NEIL3: variants seen among roughly 807,000 people sequenced by gnomAD.
The protein encoded by NEIL3 is nei like DNA glycosylase 3.
A neutral mutation model predicts 57.5 loss-of-function variants in NEIL3; 48 were observed. The ratio of observed to expected loss-of-function variants is 0.83; its 90% confidence interval spans 0.66 to 1.06. The LOEUF (loss-of-function observed/expected upper bound fraction) is 1.06, where lower values mean the gene tolerates loss of function less well. NEIL3 is among the 50% of genes least tolerant of loss of function. The pLI is 0.00. For missense variants in NEIL3, 717 were observed against 739.1 expected, an observed-to-expected ratio of 0.97 and a Z score of 0.35; for synonymous variants, 261 against 253.2, an observed-to-expected ratio of 1.03 and a Z score of -0.29.
intron 4 of NEIL3, among the ~76,000 whole-genome samples, chr4:177,338,731 G>A (rs1013383597): frequency 6.6e-6 from 1 of 152,224 alleles, no homozygotes; most frequent in Non-Finnish European, 1.5e-5. Context: ...GTGTTAATAA[G>A]TACTTTGATA....
intron 8 of NEIL3, among the ~76,000 whole-genome samples, chr4:177,360,095 G>C (rs2110943194): frequency 6.6e-6 from 1 of 152,328 alleles, no homozygotes; most frequent in African/African-American, 2.4e-5. Context: ...AATAATTAGA[G>C]AAGATTGTGA....
In NEIL3 at chr4:177,335,960, A is replaced by T. The variant is rs558404311; in HGVS notation, c.413+138A>T. The T allele has an allele frequency of 7.6e-6, 8 of 1,047,476 alleles. No homozygotes were observed. In the South Asian group the frequency reaches 1.2e-4, roughly 16 times the overall value. The allele number at this position is 1,047,476 out of a possible 1,614,324, so 64.9% of individuals were successfully genotyped here. On this transcript the variant is annotated intron_variant, in intron 3 of 9. Coordinates refer to ENST00000264596, the MANE Select transcript of NEIL3 (RefSeq NM_018248.3). ...CTCATTTTAAAGAAGCCTTCAGATA[A>T]TATAATTTGTAAGGTCTTTGTTGTT... is the stretch of plus-strand genomic sequence containing the variant.
intron 1 of NEIL3, among the ~76,000 whole-genome samples, chr4:177,317,950 T>A (rs561645080): frequency 6.6e-6 from 1 of 152,128 alleles, no homozygotes; most frequent in Non-Finnish European, 1.5e-5. Flanking sequence ...GATATAGATG[T>A]CTGCTCCAGG....
At chr4:177,353,814 A>G (rs7691152) in intron 8 of NEIL3, 86 bp downstream of exon 8, 104,227 of 1,173,536 alleles carry the variant, frequency 0.089, 6,483 homozygotes, top group East Asian at 0.34. Context: ...CACCTAGGCT[A>G]CAGTGCAGTG....
chr4:177,336,016 A>G, intron 3 of NEIL3, 92 bp from the exon 4 acceptor site: 2 of 1,142,880 alleles, frequency 1.7e-6, no homozygotes, highest in Non-Finnish European at 2.5e-6. Flanking sequence ...CCTGATTAAC[A>G]TAAAGTGCTT....
chr4:177,330,408 A>C (rs1391078170), intron 2 of NEIL3, among the ~76,000 whole-genome samples: 2 of 152,230 alleles, frequency 1.3e-5, no homozygotes, highest in African/African-American at 2.4e-5. Flanking sequence ...ATTCTCTAAG[A>C]TTTAAGCTTC....
At chr4:177,342,632 T>TC (rs1211721697) in intron 6 of NEIL3, among the ~76,000 whole-genome samples, 7 of 151,990 alleles carry the variant, frequency 4.6e-5, no homozygotes, top group Non-Finnish European at 1.0e-4. Flanking sequence ...TTCCACTCTT[T>TC]CCCCCCTTCT....
At chr4:177,320,905 T>C (rs2111115982) in intron 1 of NEIL3, among the ~76,000 whole-genome samples, 1 of 152,134 alleles carries the variant, frequency 6.6e-6, no homozygotes, top group East Asian at 1.9e-4. Flanking sequence ...ATTCTGGCAT[T>C]GACTGTAGCT....
At chr4:177,339,691 C>G in intron 4 of NEIL3, 92 bp from the exon 5 acceptor site, 1 of 808,780 alleles carries the variant, frequency 1.2e-6, no homozygotes, top group Non-Finnish European at 2.1e-6. Context: ...AATCTATTTA[C>G]AGTTCTCTTT....
chr4:177,356,065 G>T (rs571830811), intron 8 of NEIL3, among the ~76,000 whole-genome samples: 38 of 152,046 alleles, frequency 2.5e-4, no homozygotes, highest in Non-Finnish European at 4.4e-4. Context: ...TTGGGAGGCT[G>T]TCCTGGAACA....
intron 2 of NEIL3, among the ~76,000 whole-genome samples, chr4:177,326,711 A>G (rs573522494): frequency 1.3e-5 from 2 of 152,098 alleles, no homozygotes; most frequent in African/African-American, 4.8e-5. Flanking sequence ...ATGTATTTAG[A>G]TCTTCCTTCA....
chr4:177,342,346 A>T (rs1735111764), intron 6 of NEIL3, among the ~76,000 whole-genome samples: 1 of 152,206 alleles, frequency 6.6e-6, no homozygotes, highest in Admixed American at 6.5e-5. Flanking sequence ...TTTTGGGGGA[A>T]ATCTAAGAGA....
At chr4:177,354,873 G>C (rs558281172) in intron 8 of NEIL3, among the ~76,000 whole-genome samples, 1 of 152,190 alleles carries the variant, frequency 6.6e-6, no homozygotes, top group Non-Finnish European at 1.5e-5. Flanking sequence ...TACTACCAGA[G>C]CAGATATATT....
chr4:177,323,489 G>A (rs1242323198), intron 2 of NEIL3, among the ~76,000 whole-genome samples: 1 of 152,164 alleles, frequency 6.6e-6, no homozygotes, highest in East Asian at 1.9e-4. Flanking sequence ...GTAATCCAGG[G>A]TTTATGTAAT....
intron 6 of NEIL3, among the ~76,000 whole-genome samples, chr4:177,346,496 A>G (rs1449183046): frequency 1.3e-5 from 2 of 151,946 alleles, no homozygotes; most frequent in Non-Finnish European, 2.9e-5. Context: ...TCTCTCCATC[A>G]CTTCCCATCT....
At chr4:177,339,895 TGTCAG>T (rs776775453) in intron 5 of NEIL3, 38 bp downstream of exon 5, 11 of 1,392,550 alleles carry the variant, frequency 7.9e-6, no homozygotes, top group Admixed American at 3.5e-5. Flanking sequence ...AAATGTAAAA[TGTCAG>T]TGGTTTCCTT....
the NEIL3 span, among the ~76,000 whole-genome samples, chr4:177,369,873 A>G: frequency 1.3e-5 from 2 of 152,188 alleles, no homozygotes; most frequent in East Asian, 3.9e-4. Context: ...AGGGTTTAGC[A>G]TTGGCAGTTA....
intron 2 of NEIL3, among the ~76,000 whole-genome samples, chr4:177,327,001 G>A (rs1226608445): frequency 1.3e-5 from 2 of 152,036 alleles, no homozygotes; most frequent in African/African-American, 4.8e-5. Context: ...TTGTGTCAAG[G>A]GAAAGAGGCG....
chr4:177,365,273 CCCTGTCATGTGA>C (rs1381017011), downstream of NEIL3, among the ~76,000 whole-genome samples: 7 of 152,020 alleles, frequency 4.6e-5, no homozygotes, highest in Non-Finnish European at 8.8e-5. Flanking sequence ...GTGTGAGTTG[CCCTGTCATGTGA>C]GGGCATCCTG....
Sources: gnomAD v4.1 joint callset for allele counts (sites outside exome capture counted in the v4.1 genomes callset) on GRCh38, gnomAD v4.1.1 for gene constraint, MANE v1.5 for transcripts, NCBI Gene and HGNC (gene_info 2026-07-23, HGNC 2026-07-21) for gene names.